The following GTF3C3 variants were observed in gnomAD, a reference collection of about 807,000 sequenced individuals.
GTF3C3 encodes the protein general transcription factor IIIC subunit 3, also known as general transcription factor 3C polypeptide 3.
Under a neutral mutation model 105.2 loss-of-function variants are expected in GTF3C3, and 75 were observed. The ratio of observed to expected loss-of-function variants is 0.71; its 90% CI spans 0.59 to 0.86. The LOEUF (loss-of-function observed/expected upper bound fraction) is 0.86. Ranked by LOEUF, GTF3C3 falls within the 40% of genes least tolerant of loss-of-function variation. GTF3C3 has a pLI of 0.00. For synonymous variants in GTF3C3, 335 were observed against 370.4 expected (o/e 0.90, Z 1.10); for missense variants, 856 against 1,076.5 (o/e 0.80, Z 2.87).
In GTF3C3 at chr2:196,764,440, C is replaced by CTGT; in HGVS notation, c.*120_*122dup. ...TTATCACATATTAAAAATAAATACACTGTTTGTTAGGTAATTCTGAAATTG... is the reference window on the plus strand; with the variant it reads ...TTATCACATATTAAAAATAAATACACTGTTGTTTGTTAGGTAATTCTGAAATTG... On this transcript the variant is annotated 3_prime_UTR_variant, in exon 18 of 18. Coordinates refer to ENST00000263956, the MANE Select transcript of GTF3C3 (RefSeq NM_012086.5). The CTGT allele has an allele frequency of 1.2e-6, 1 of 858,966 alleles. No individual in the cohort carries two copies. Among genetic ancestry groups the CTGT allele is most frequent in the Admixed American group, 2.6e-5 (1 of 38,884 alleles). The allele number at this position is 858,966 out of a possible 1,614,324, so 53.2% of individuals were successfully genotyped here. A position where few individuals can be genotyped will look rare whatever the true frequency, so the allele number is the denominator to read the frequency against.
chr2:196,776,700 T>C lies in GTF3C3; in HGVS notation c.1391-71A>G. On this transcript the variant is annotated intron_variant, in intron 10 of 17. Coordinates refer to ENST00000263956, the MANE Select transcript of GTF3C3 (RefSeq NM_012086.5). The surrounding 1 kb of genome is among the most constrained non-coding windows in gnomAD (Gnocchi z 4.5). Reference sequence around the variant, plus strand: ...TAAACTGGCCACAATTACTCTTCCATTTTAAAAGAAATATAGCAATATAAA... The same window carrying C: ...TAAACTGGCCACAATTACTCTTCCACTTTAAAAGAAATATAGCAATATAAA... 1 of 1,050,150 alleles carries C rather than the reference T, an allele frequency of 9.5e-7. No individual in the cohort carries two copies. The highest frequency in any genetic ancestry group is 1.4e-6 in the Non-Finnish European group (1 of 698,230). 65.1% of individuals were successfully genotyped at this position (1,050,150 alleles called of 1,614,324 possible).
At chr2:196,784,432 A>G (rs1296002817) in intron 8 of GTF3C3, among the ~76,000 whole-genome samples, 1 of 152,176 alleles carries the variant, frequency 6.6e-6, no homozygotes, top group African/African-American at 2.4e-5. Context: ...TGAGTTTTCA[A>G]ACAATGTAGG....
intron 14 of GTF3C3, 107 bp downstream of exon 14, chr2:196,772,809 C>A: frequency 1.6e-6 from 1 of 625,726 alleles, no homozygotes. Flanking sequence ...ACCAATTAAC[C>A]AGTTTATTGT....
intron 12 of GTF3C3, 35 bp downstream of exon 12, chr2:196,775,975 C>A: frequency 2.1e-6 from 2 of 965,014 alleles, no homozygotes; most frequent in South Asian, 3.3e-5. Context: ...TTTAAAAAGT[C>A]AACAAGGCTA....
chr2:196,792,589 T>C (rs1258221661), intron 3 of GTF3C3, among the ~76,000 whole-genome samples: 3 of 152,160 alleles, frequency 2.0e-5, no homozygotes, highest in Non-Finnish European at 4.4e-5. Context: ...AATGGCCCAA[T>C]TGGTTTAAAT....
intron 5 of GTF3C3, 80 bp from the exon 6 acceptor site, chr2:196,789,449 T>G: frequency 3.2e-6 from 3 of 927,984 alleles, no homozygotes; most frequent in East Asian, 2.6e-5. Flanking sequence ...CTCAGAAAAT[T>G]TAATAAGCAA....
chr2:196,787,316 T>C (rs1175802381), intron 6 of GTF3C3, among the ~76,000 whole-genome samples: 1 of 152,188 alleles, frequency 6.6e-6, no homozygotes, highest in African/African-American at 2.4e-5. Context: ...CCAGAATTGA[T>C]GCACTTAAAA....
At chr2:196,785,700 G>C in intron 6 of GTF3C3, 112 bp from the exon 7 acceptor site, 1 of 660,438 alleles carries the variant, frequency 1.5e-6, no homozygotes, top group Admixed American at 2.8e-5. Context: ...CTTAGAATTT[G>C]AGAGGAATGT....
chr2:196,773,574 A>T (rs1699213600), intron 13 of GTF3C3: 3 of 350,836 alleles, frequency 8.6e-6, no homozygotes, highest in South Asian at 6.9e-5. Context: ...GCTAAGAAGG[A>T]TGGTTTCAGG....
chr2:196,792,618 T>A (rs1192581439), intron 3 of GTF3C3, among the ~76,000 whole-genome samples: 1 of 152,196 alleles, frequency 6.6e-6, no homozygotes, highest in Non-Finnish European at 1.5e-5. Flanking sequence ...TTGCTTTGAC[T>A]TTATTTATTT....
At chr2:196,778,120 GTCA>G (rs1362560866) in intron 10 of GTF3C3, 1 of 152,152 alleles carries the variant, frequency 6.6e-6, no homozygotes, top group African/African-American at 2.4e-5. Context: ...ATAGAGTTCT[GTCA>G]TCATATAATA....
chr2:196,795,763 C>T (rs1037095919), intron 2 of GTF3C3, among the ~76,000 whole-genome samples: 1 of 152,198 alleles, frequency 6.6e-6, no homozygotes. Context: ...ACTGCCACCA[C>T]TTCTGTTCAA....
intron 8 of GTF3C3, 28 bp from the exon 9 acceptor site, chr2:196,780,690 T>G (rs1699334568): frequency 1.2e-6 from 2 of 1,602,448 alleles, no homozygotes; most frequent in Non-Finnish European, 1.7e-6. Context: ...AAGAAGCAGT[T>G]ACTATATGCA....
At chr2:196,781,357 A>ATATCTATATATATAT (rs1553578902) in intron 8 of GTF3C3, among the ~76,000 whole-genome samples, 16 of 18,812 alleles carry the variant, frequency 8.5e-4, no homozygotes, top group Non-Finnish European at 1.9e-3. Context: ...AAAAAAAAAA[A>ATATCTATATATATAT]ATATATATAT....
Position 196,775,221 on chromosome 2 carries a change from TCAAA to T in GTF3C3, c.1722_1725del (p.Cys574Ter). The T allele has an allele frequency of 6.2e-7, 1 of 1,607,934 alleles. No homozygotes were observed. The highest frequency in any genetic ancestry group is 1.1e-5 in the South Asian group (1 of 89,240). On this transcript the variant is annotated frameshift_variant, in exon 13 of 18. Coordinates refer to ENST00000263956, the MANE Select transcript of GTF3C3 (RefSeq NM_012086.5). LOFTEE classifies it high-confidence loss of function. Reference sequence around the variant, plus strand: ...CTCTCTCCAGACTTGGAACTGGATATCAAACAAACTTGGGCTCGATTCATTGCTA... The same window carrying T: ...CTCTCTCCAGACTTGGAACTGGATATCAAACTTGGGCTCGATTCATTGCTA...
chr2:196,768,857 C>T (rs2125738638), intron 16 of GTF3C3, among the ~76,000 whole-genome samples: 1 of 152,216 alleles, frequency 6.6e-6, no homozygotes, highest in South Asian at 2.1e-4. Context: ...ATGAGTTAAT[C>T]CATAAAATTT....
chr2:196,781,385 TATAA>T (rs1321957324), intron 8 of GTF3C3, among the ~76,000 whole-genome samples: 52 of 124,086 alleles, frequency 4.2e-4, no homozygotes, highest in African/African-American at 1.5e-3. Context: ...TATATATATA[TATAA>T]AATTAAATAA....
intron 6 of GTF3C3, 105 bp downstream of exon 6, chr2:196,789,099 C>T (rs1458196571): frequency 4.1e-6 from 4 of 971,456 alleles, no homozygotes; most frequent in Non-Finnish European, 6.1e-6. Flanking sequence ...TAAGGCAAAA[C>T]ACTTCTTGAA....
At chr2:196,785,072 C>T (rs1314103271) in intron 7 of GTF3C3, 143 bp from the exon 8 acceptor site, 1 of 617,660 alleles carries the variant, frequency 1.6e-6, no homozygotes, top group Non-Finnish European at 2.8e-6. Context: ...ATGAGAAACC[C>T]TGTGACACAT....
Sources: gnomAD v4.1 joint callset for allele counts (sites outside exome capture counted in the v4.1 genomes callset) on GRCh38, gnomAD v4.1.1 for gene constraint, Gnocchi (gnomAD v3.1) non-coding constraint, MANE v1.5 for transcripts, NCBI Gene and HGNC (gene_info 2026-07-23, HGNC 2026-07-21) for gene names.